Variants in PALS1 observed in about 807,000 individuals in gnomAD.
PALS1 encodes protein PALS1.
Under a neutral mutation model 78.9 loss-of-function variants are expected in PALS1, and 31 were observed. The ratio of observed to expected loss-of-function variants is 0.39; its 90% CI spans 0.30 to 0.53. PALS1 has a LOEUF of 0.53. PALS1 is among the 20% of genes least tolerant of loss of function. The probability of loss-of-function intolerance (pLI) is 0.67; values close to 1 mark genes in which losing one functional copy is unlikely to be tolerated. For missense variants in PALS1, 704 were observed against 826.5 expected, an observed-to-expected ratio of 0.85 and a Z score of 1.82; for synonymous variants, 276 against 270.9, an observed-to-expected ratio of 1.02 and a Z score of -0.18.
chr14:67,278,844 G>T (rs928798749), intron 2 of PALS1, among the ~76,000 whole-genome samples, 174 bp from the exon 3 acceptor site: 4 of 151,952 alleles, frequency 2.6e-5, no homozygotes, highest in African/African-American at 9.7e-5. Context: ...GGGGAGGGGG[G>T]AATCTTGATT....
intron 11 of PALS1, among the ~76,000 whole-genome samples, chr14:67,319,648 G>T (rs1299515973): frequency 6.6e-6 from 1 of 151,672 alleles, no homozygotes; most frequent in Non-Finnish European, 1.5e-5. Context: ...CAATCTCACA[G>T]TGTTTTAAGA....
chr14:67,332,890 A>G lies in PALS1; in HGVS notation c.1962A>G (p.Glu654=), dbSNP rs371727544. Residue 654 remains glutamate (E), a synonymous_variant, in exon 15 of 15, where the codon GAA becomes GAG. Transcript: ENST00000261681. ...CCGATCTTGATAAAGCCTATCAGGA[A>G]TTGCTTAGGTTAATTAACAAACTTG... ...VNSDLDKAYQ[E]LLRLINKLDT... is the part of the protein sequence containing the mutation. 4.3e-6 allele frequency: 7 copies of G among 1,613,952 alleles called. No individual in the cohort carries two copies. In the African/African-American group the frequency reaches 9.3e-5, roughly 22 times the overall value.
chr14:67,330,589 G>A lies in PALS1; in HGVS notation c.1852-2191G>A, dbSNP rs1173127483. ...TTCTCTTGCCTCAGCCTCCCGAGTA[G>A]CTGGGATTATAGGCATGCACCACCA... On this transcript the variant is annotated intron_variant, in intron 14 of 14. Transcript: ENST00000261681. Among the ~76,000 whole-genome samples the A allele has an allele frequency of 6.6e-5, 10 of 151,540 alleles. No homozygotes were observed. The East Asian group carries it at 2.0e-3, about 30-fold the overall frequency.
At chr14:67,257,879 C>T (rs1414299571) in intron 1 of PALS1, among the ~76,000 whole-genome samples, 1 of 152,100 alleles carries the variant, frequency 6.6e-6, no homozygotes, top group Non-Finnish European at 1.5e-5. Flanking sequence ...ATACGTACAA[C>T]ACATATGCAA....
At chr14:67,328,095 A>G (rs1396394689) in intron 14 of PALS1, among the ~76,000 whole-genome samples, 2 of 152,210 alleles carry the variant, frequency 1.3e-5, no homozygotes, top group Non-Finnish European at 2.9e-5. Flanking sequence ...TTACGGTCCC[A>G]CCAACAGTGT....
chr14:67,285,964 C>T (rs1396665991), intron 3 of PALS1, among the ~76,000 whole-genome samples: 1 of 152,152 alleles, frequency 6.6e-6, no homozygotes, highest in South Asian at 2.1e-4. Flanking sequence ...AATATATTCT[C>T]TCTTTTAAAT....
intron 2 of PALS1, among the ~76,000 whole-genome samples, chr14:67,277,171 G>C (rs2084519877): frequency 6.6e-6 from 1 of 152,106 alleles, no homozygotes; most frequent in Non-Finnish European, 1.5e-5. Context: ...CTTAAGAATT[G>C]CCTAACAAAA....
chr14:67,292,768 G>C, intron 4 of PALS1, 49 bp downstream of exon 4: 1 of 1,392,084 alleles, frequency 7.2e-7, no homozygotes, highest in Non-Finnish European at 1.0e-6. Flanking sequence ...ATTAGTAGTG[G>C]CAGGAAGGCA....
intron 12 of PALS1, 60 bp downstream of exon 12, chr14:67,320,457 C>CTA: frequency 6.9e-7 from 1 of 1,443,804 alleles, no homozygotes. Context: ...CAGAACCTAA[C>CTA]TATATCATGT....
intron 2 of PALS1, chr14:67,271,155 C>T (rs932359564): frequency 2.6e-5 from 4 of 152,186 alleles, no homozygotes; most frequent in African/African-American, 7.2e-5. Flanking sequence ...GCAGGTATCA[C>T]GGCTATAGAG....
chr14:67,320,922 A>T, intron 12 of PALS1, 135 bp from the exon 13 acceptor site: 2 of 705,700 alleles, frequency 2.8e-6, no homozygotes, highest in Non-Finnish European at 4.8e-6. Context: ...TTAAACATGT[A>T]GGCACTTAGC....
At chr14:67,253,134 A>G (rs1223230363) in intron 1 of PALS1, among the ~76,000 whole-genome samples, 3 of 152,254 alleles carry the variant, frequency 2.0e-5, no homozygotes, top group Admixed American at 6.5e-5. Context: ...GTGTGTGACA[A>G]TGAACAGGTT....
intron 1 of PALS1, among the ~76,000 whole-genome samples, chr14:67,242,449 T>A (rs563513438): frequency 6.6e-5 from 10 of 152,346 alleles, no homozygotes; most frequent in Non-Finnish European, 1.3e-4. Context: ...TCTGATTTTT[T>A]AAAAAAGCAA....
At chr14:67,322,237 G>T (rs1395337303) in intron 13 of PALS1, among the ~76,000 whole-genome samples, 1 of 152,034 alleles carries the variant, frequency 6.6e-6, no homozygotes, top group Non-Finnish European at 1.5e-5. Flanking sequence ...GGTCCCAGCT[G>T]CTTGGGAGGC....
chr14:67,262,673 G>T (rs1442399910), intron 1 of PALS1, among the ~76,000 whole-genome samples: 1 of 152,050 alleles, frequency 6.6e-6, no homozygotes, highest in Non-Finnish European at 1.5e-5. Flanking sequence ...AATCTGTTTT[G>T]TTGTTCTTTT....
intron 2 of PALS1, among the ~76,000 whole-genome samples, chr14:67,276,103 G>A (rs931054677): frequency 6.6e-6 from 1 of 151,978 alleles, no homozygotes; most frequent in Non-Finnish European, 1.5e-5. Context: ...AGGGTTTTTT[G>A]TGTCTCTATC....
At chr14:67,287,161 G>A (rs1379816800) in intron 3 of PALS1, among the ~76,000 whole-genome samples, 1 of 152,130 alleles carries the variant, frequency 6.6e-6, no homozygotes, top group Non-Finnish European at 1.5e-5. Flanking sequence ...CAGGACTGCA[G>A]TGAGCCATGT....
intron 2 of PALS1, among the ~76,000 whole-genome samples, chr14:67,274,355 C>T (rs1047094660): frequency 1.1e-4 from 16 of 152,310 alleles, no homozygotes; most frequent in African/African-American, 3.8e-4. Flanking sequence ...AGCCAGTTTT[C>T]CCAGCACCAT....
intron 11 of PALS1, among the ~76,000 whole-genome samples, chr14:67,319,738 T>C (rs549229212): frequency 3.3e-5 from 5 of 152,372 alleles, no homozygotes; most frequent in Admixed American, 3.3e-4. Context: ...TTGGACGAGC[T>C]TGAACTATAG....
Sources: gnomAD v4.1 joint callset for allele counts (sites outside exome capture counted in the v4.1 genomes callset) on GRCh38, gnomAD v4.1.1 for gene constraint, MANE v1.5 for transcripts, NCBI Gene and HGNC (gene_info 2026-07-23, HGNC 2026-07-21) for gene names.